Variants in SHB observed in about 807,000 individuals in gnomAD.
The protein encoded by SHB is SH2 domain containing adaptor protein B.
Under a neutral mutation model 52.3 loss-of-function variants are expected in SHB, and 20 were observed. That is an observed-to-expected ratio of 0.38 (90% CI 0.27 to 0.56). SHB has a LOEUF of 0.56. SHB is among the 20% of genes least tolerant of loss of function. SHB has a pLI of 0.71. For synonymous variants in SHB, 397 were observed against 316.5 expected (o/e 1.25, Z -2.70); for missense variants, 825 against 723.3 (o/e 1.14, Z -1.61).
chr9:38,051,576 G>A (rs1821750487), intron 1 of SHB, among the ~76,000 whole-genome samples: 2 of 152,088 alleles, frequency 1.3e-5, no homozygotes, highest in South Asian at 4.1e-4. Flanking sequence ...CATCCAGGCT[G>A]TGACAGCGTT....
chr9:37,957,651 T>G (rs1358917469), intron 3 of SHB, among the ~76,000 whole-genome samples: 2 of 152,180 alleles, frequency 1.3e-5, no homozygotes, highest in East Asian at 1.9e-4. Context: ...CCACATGTAC[T>G]AGGCACACTT....
At chr9:38,054,402 A>C (rs916272560) in intron 1 of SHB, among the ~76,000 whole-genome samples, 1 of 152,116 alleles carries the variant, frequency 6.6e-6, no homozygotes, top group African/African-American at 2.4e-5. Flanking sequence ...GACTCCCCAA[A>C]TCCACCTGGG....
chr9:38,067,158 T>C (rs1447607473), intron 1 of SHB, among the ~76,000 whole-genome samples: 1 of 151,936 alleles, frequency 6.6e-6, no homozygotes, highest in African/African-American at 2.4e-5. Context: ...AGTCCCCCCG[T>C]GTTCCTGGGA....
chr9:38,013,794 C>T (rs1161235961), intron 2 of SHB, among the ~76,000 whole-genome samples: 1 of 152,172 alleles, frequency 6.6e-6, no homozygotes, highest in African/African-American at 2.4e-5. Flanking sequence ...AGTGTGGACT[C>T]CTGTAACAAC....
Position 37,929,991 on chromosome 9 carries a change from A to G in SHB, c.1347-9987T>C, listed in dbSNP as rs545578971. On this transcript the variant is annotated intron_variant, in intron 5 of 5. Transcript: ENST00000377707. ...GTGGCACACGCTTGTAGTCCCGGCT[A>G]CTTGGGAGGCTGAGGTGGGAGGATT... 1.2e-4 allele frequency among the ~76,000 whole-genome samples: 18 copies of G among 152,290 alleles called. No individual in the cohort carries two copies. The East Asian group carries it at 3.5e-3, about 29-fold the overall frequency.
chr9:38,063,273 C>T (rs1038042200), intron 1 of SHB, among the ~76,000 whole-genome samples: 7 of 152,302 alleles, frequency 4.6e-5, no homozygotes, highest in Admixed American at 6.5e-5. Context: ...TGTTTGACCC[C>T]GGCTTCAATC....
chr9:38,003,029 G>T (rs1044207226), intron 2 of SHB, among the ~76,000 whole-genome samples: 9 of 152,198 alleles, frequency 5.9e-5, no homozygotes, highest in Non-Finnish European at 7.3e-5. Flanking sequence ...AAGTCTAGGG[G>T]TAAACAGGCT....
Position 37,919,786 on chromosome 9 carries a change from A to G in SHB, c.*35T>C, listed in dbSNP as rs1210969172. On this transcript the variant is annotated 3_prime_UTR_variant, in exon 6 of 6. Coordinates refer to ENST00000377707, the MANE Select transcript of SHB (RefSeq NM_003028.3). Reference sequence around the variant, plus strand: ...GGGGCCTCTGGCACCTCCAAGTCTCAGGCTCTGTCACAGAGCAGGGCAGGT... The same window carrying G: ...GGGGCCTCTGGCACCTCCAAGTCTCGGGCTCTGTCACAGAGCAGGGCAGGT... 6.4e-7 allele frequency: 1 copy of G among 1,572,812 alleles called. No homozygotes were observed. The highest frequency in any genetic ancestry group is 1.7e-5 in the Admixed American group (1 of 59,216).
chr9:37,932,591 G>A (rs1587197144), intron 5 of SHB, among the ~76,000 whole-genome samples: 1 of 147,412 alleles, frequency 6.8e-6, no homozygotes, highest in Non-Finnish European at 1.5e-5. Flanking sequence ...AGGTAACTAT[G>A]TAAGGTGAGG....
chr9:37,917,004 C>T lies in SHB; in HGVS notation c.*2817G>A, dbSNP rs1832107751. 6.6e-6 allele frequency among the ~76,000 whole-genome samples: 1 copy of T among 150,614 alleles called. No individual in the cohort carries two copies. Among genetic ancestry groups the T allele is most frequent in the African/African-American group, 2.4e-5 (1 of 40,840 alleles). The stretch of plus-strand genomic sequence containing the variant: ...TTTCTTTTCTCTCAAAGAAATCCAG[C>T]TCAATTTTTTCCCCAATTAATTGGC... On this transcript the variant is annotated 3_prime_UTR_variant, in exon 6 of 6. Coordinates refer to ENST00000377707, the MANE Select transcript of SHB (RefSeq NM_003028.3).
chr9:38,032,064 G>A (rs542978368), intron 1 of SHB, among the ~76,000 whole-genome samples: 2 of 152,248 alleles, frequency 1.3e-5, no homozygotes, highest in East Asian at 1.9e-4. Context: ...ATCCTCCAGT[G>A]CCAGGGCCCG....
rs562185794 is a variant in SHB at position 38,024,913 on chromosome 9, T to C, written c.718-8782A>G. ...GTGTGCATGATTTCTGCAAAGGGAA[T>C]CTTACACATGCACCACTGAAGAAAG... is the stretch of plus-strand genomic sequence containing the variant. On this transcript the variant is annotated intron_variant, in intron 1 of 5. Transcript: ENST00000377707. Among the ~76,000 whole-genome samples the C allele has an allele frequency of 1.4e-4, 22 of 152,280 alleles. No homozygotes were observed. The Middle Eastern group carries it at 0.014, about 94-fold the overall frequency.
At chr9:37,925,616 G>A in intron 5 of SHB, among the ~76,000 whole-genome samples, 1 of 147,738 alleles carries the variant, frequency 6.8e-6, no homozygotes, top group South Asian at 2.2e-4. Context: ...AAGGGGTAAT[G>A]TGAGCGCTGG....
chr9:37,990,131 C>T (rs1314119541), intron 2 of SHB, among the ~76,000 whole-genome samples: 3 of 152,184 alleles, frequency 2.0e-5, no homozygotes, highest in Admixed American at 2.0e-4. Context: ...GGCCTCATCT[C>T]CCCTGGTGGT....
intron 2 of SHB, among the ~76,000 whole-genome samples, chr9:37,980,774 G>A (rs902795972): frequency 2.0e-5 from 3 of 152,148 alleles, no homozygotes; most frequent in South Asian, 2.1e-4. Flanking sequence ...CATGGGCCGC[G>A]GAATGGATGT....
At chr9:38,049,154 G>T (rs948710956) in intron 1 of SHB, among the ~76,000 whole-genome samples, 1 of 152,180 alleles carries the variant, frequency 6.6e-6, no homozygotes, top group African/African-American at 2.4e-5. Context: ...CCAATTAACT[G>T]AGACCACAGA....
chr9:38,016,039 C>A lies in SHB; in HGVS notation c.810G>T (p.Glu270Asp). The change falls in exon 2 of 6, where the codon GAG becomes GAT. Residue 270 changes from glutamate (E) to aspartate (D), a missense_variant. Transcript: ENST00000377707. Reference sequence around the variant, plus strand: ...TCATGATCCTCTGTGCCTCATAGGGCTCCATGTAGCCAGCACTCTCCCCCT... The same window carrying A: ...TCATGATCCTCTGTGCCTCATAGGGATCCATGTAGCCAGCACTCTCCCCCT... ...AGKGESAGYMEPYEAQRIMTE... is the reference protein window; with the variant it reads ...AGKGESAGYMDPYEAQRIMTE... The A allele has an allele frequency of 1.2e-6, 2 of 1,614,196 alleles. No individual in the cohort carries two copies. The highest frequency in any genetic ancestry group is 8.5e-7 in the Non-Finnish European group (1 of 1,179,998).
intron 5 of SHB, among the ~76,000 whole-genome samples, chr9:37,943,896 C>G (rs1832462297): frequency 6.6e-6 from 1 of 152,244 alleles, no homozygotes; most frequent in Non-Finnish European, 1.5e-5. Flanking sequence ...GGCCAAAGTG[C>G]CTGAAGAGCC....
At chr9:38,017,800 C>A (rs1030715727) in intron 1 of SHB, among the ~76,000 whole-genome samples, 14 of 152,254 alleles carry the variant, frequency 9.2e-5, no homozygotes, top group Non-Finnish European at 1.9e-4. Flanking sequence ...GCTCAAATGA[C>A]ACCAGGCCAG....
Sources: allele counts gnomAD v4.1 joint callset (sites outside exome capture counted in the v4.1 genomes callset), GRCh38; gene constraint gnomAD v4.1.1; transcripts MANE v1.5; gene names NCBI Gene and HGNC (gene_info 2026-07-23, HGNC 2026-07-21).